Variants in SLC25A53 observed in about 807,000 individuals in gnomAD.
The protein encoded by SLC25A53 is mitochondrial carrier triple repeat protein 6.
Under a neutral mutation model 15.0 loss-of-function variants are expected in SLC25A53, and 5 were observed. The ratio of observed to expected loss-of-function variants is 0.33; its 90% CI spans 0.17 to 0.70. SLC25A53 has a LOEUF of 0.70. Among genes scored for constraint, SLC25A53 ranks in the 30% least tolerant of loss-of-function variants. SLC25A53 has a pLI of 0.67. For missense variants in SLC25A53, 216 were observed against 241.6 expected (o/e 0.89, Z 0.70); for synonymous variants, 95 against 100.0 (o/e 0.95, Z 0.30).
At chrX:104,127,333 G>A (rs2075413565) in intron 1 of SLC25A53, among the ~76,000 whole-genome samples, 1 of 111,726 alleles carries the variant, frequency 9.0e-6, no homozygotes, top group African/African-American at 3.3e-5. Flanking sequence ...CATTGCCAGG[G>A]AGCAAGGATG....
rs1474348513 is a variant in SLC25A53, at chrX:104,107,099, C to T, written c.-31-1811G>A. On this transcript the variant is annotated intron_variant, in intron 1 of 1. Coordinates refer to ENST00000594199, the MANE Select transcript of SLC25A53 (RefSeq NM_001012755.5). ...CATTCATACCACCCTGCTCCATCCACATCCCCACAATCTCATTCATAACCC... is the reference window on the plus strand; with the variant it reads ...CATTCATACCACCCTGCTCCATCCATATCCCCACAATCTCATTCATAACCC... Among the ~76,000 whole-genome samples, 3 of 109,789 alleles carry T rather than the reference C, an allele frequency of 2.7e-5. No homozygotes were observed. The East Asian group carries it at 8.7e-4, about 32-fold the overall frequency.
chrX:104,135,156 T>C (rs2075433648), intron 1 of SLC25A53, among the ~76,000 whole-genome samples: 1 of 110,999 alleles, frequency 9.0e-6, no homozygotes, highest in Non-Finnish European at 1.9e-5. Flanking sequence ...TTTTTCCATC[T>C]TTCTCATGGG....
intron 1 of SLC25A53, among the ~76,000 whole-genome samples, chrX:104,108,990 GGTACA>G (rs2147863804): frequency 8.9e-6 from 1 of 111,738 alleles, no homozygotes; most frequent in East Asian, 2.8e-4. Context: ...CAAAATAAAG[GGTACA>G]GTAATGAAGG....
At chrX:104,139,247 G>A (rs1352128976) in intron 1 of SLC25A53, among the ~76,000 whole-genome samples, 6 of 111,967 alleles carry the variant, frequency 5.4e-5, no homozygotes, top group African/African-American at 2.0e-4. Flanking sequence ...GCTAGGCGCA[G>A]TGGCTCACGC....
chrX:104,149,829 C>T (rs900823720), intron 1 of SLC25A53, among the ~76,000 whole-genome samples: 2 of 111,468 alleles, frequency 1.8e-5, no homozygotes, highest in Non-Finnish European at 3.8e-5. Flanking sequence ...TACAATCTGC[C>T]ACTTTCTCCC....
chrX:104,123,545 A>T (rs868964050), intron 1 of SLC25A53, among the ~76,000 whole-genome samples: 4 of 104,239 alleles, frequency 3.8e-5, no homozygotes, highest in Admixed American at 2.1e-4. Context: ...TGATTTGTTT[A>T]TTTTTTTTTT....
In SLC25A53 at chrX:104,104,837, C is replaced by T; in HGVS notation, c.421G>A (p.Val141Met). 8.3e-7 allele frequency: 1 copy of T among 1,211,801 alleles called. No homozygotes were observed. Among genetic ancestry groups the T allele is most frequent in the Non-Finnish European group, 1.1e-6 (1 of 895,572 alleles). Residue 141 changes from valine (V) to methionine (M), a missense_variant, in exon 2 of 2, where the codon GTG (valine) becomes ATG (methionine). Physicochemically the swap from Val to Met is conservative, Grantham distance 21. Coordinates refer to ENST00000594199, the MANE Select transcript of SLC25A53 (RefSeq NM_001012755.5). ...GCTTGCTTGCGACCATCCTGGAGCA[C>T]ATTTTGCACCCTTTCAAAGGGGCTG... ...ALSPFERVQNVLQDGRKQARF... is the reference protein window; with the variant it reads ...ALSPFERVQNMLQDGRKQARF...
At chrX:104,148,250 A>C (rs2075474461) in intron 1 of SLC25A53, among the ~76,000 whole-genome samples, 2 of 107,602 alleles carry the variant, frequency 1.9e-5, no homozygotes, top group African/African-American at 3.4e-5. Flanking sequence ...GAATTGAACA[A>C]TGAGAACACA....
chrX:104,100,790 T>C lies in SLC25A53; in HGVS notation c.*3544A>G, dbSNP rs1340348739. On this transcript the variant is annotated 3_prime_UTR_variant, in exon 2 of 2. Coordinates refer to ENST00000594199, the MANE Select transcript of SLC25A53 (RefSeq NM_001012755.5). ...GGGGAAAATACCCAAACTTTTTGCA[T>C]TGCTCTTACACCACGGCAATCAGCA... The C allele has an allele frequency of 9.8e-5, 11 of 112,412 alleles. No homozygotes were observed. Among genetic ancestry groups the C allele is most frequent in the Non-Finnish European group, 1.9e-4 (10 of 53,333 alleles). The allele number at this position is 112,412 out of a possible 1,213,427, so 9.3% of individuals were successfully genotyped here. A position where few individuals can be genotyped will look rare whatever the true frequency, so the allele number is the denominator to read the frequency against.
Position 104,114,301 on chromosome X carries a change from T to G in SLC25A53, c.-31-9013A>C, listed in dbSNP as rs1556360358. 5.8e-6 allele frequency: 7 copies of G among 1,209,313 alleles called. No individual in the cohort carries two copies. The South Asian group carries it at 1.2e-4, about 21-fold the overall frequency. ...CCAGGGGAAAGAAACCTTTGAAAAC[T>G]GGCTGATCCAAGTCAATGAGGTCCT... On this transcript the variant is annotated intron_variant, in intron 1 of 1. Transcript: ENST00000594199.
chrX:104,147,434 G>A (rs1262758132), intron 1 of SLC25A53, among the ~76,000 whole-genome samples: 4 of 110,970 alleles, frequency 3.6e-5, no homozygotes, highest in Non-Finnish European at 5.7e-5. Context: ...GGCAACAAAA[G>A]CCAAAATTGA....
chrX:104,111,969 C>G (rs1556359000), intron 1 of SLC25A53, among the ~76,000 whole-genome samples: 4 of 111,735 alleles, frequency 3.6e-5, no homozygotes, highest in South Asian at 3.8e-4. Context: ...CAAGGGGCAG[C>G]CTTTGAAGTC....
chrX:104,116,915 C>T (rs781820292), intron 1 of SLC25A53, among the ~76,000 whole-genome samples: 1 of 109,964 alleles, frequency 9.1e-6, no homozygotes, highest in Non-Finnish European at 1.9e-5. Context: ...TCCTATCACC[C>T]CTGCTCCATC....
At chrX:104,128,814 G>C (rs1372142895) in intron 1 of SLC25A53, among the ~76,000 whole-genome samples, 2 of 110,838 alleles carry the variant, frequency 1.8e-5, no homozygotes, top group Non-Finnish European at 3.8e-5. Flanking sequence ...ATGTATAGTT[G>C]ATTCATTATT....
intron 1 of SLC25A53, among the ~76,000 whole-genome samples, chrX:104,116,738 C>T (rs1427244733): frequency 9.0e-6 from 1 of 111,190 alleles, no homozygotes; most frequent in Non-Finnish European, 1.9e-5. Flanking sequence ...GCAAGGAGCC[C>T]AATGCAGCCT....
intron 1 of SLC25A53, among the ~76,000 whole-genome samples, chrX:104,148,513 A>G (rs1796656419): frequency 9.0e-6 from 1 of 110,873 alleles, no homozygotes; most frequent in Non-Finnish European, 1.9e-5. Context: ...ATAAAAAAGG[A>G]TGAGTTCATG....
At chrX:104,114,897 C>T (rs1325413635) in intron 1 of SLC25A53, 4 of 1,201,875 alleles carry the variant, frequency 3.3e-6, no homozygotes, top group Non-Finnish European at 3.4e-6. Context: ...CTGACTGTAA[C>T]TGCAACGTGA....
At position 104,105,280 on chromosome X, in the gene SLC25A53, T is replaced by C. The variant is rs782193196; in HGVS notation, c.-23A>G. Reference sequence around the variant, plus strand: ...CATGCTGAAGACAACTGGGTGCAGATGGAAGAAACTGGCAAGGGTGGAAAA... The same window carrying C: ...CATGCTGAAGACAACTGGGTGCAGACGGAAGAAACTGGCAAGGGTGGAAAA... On this transcript the variant is annotated 5_prime_UTR_variant, in exon 2 of 2. Coordinates refer to ENST00000594199, the MANE Select transcript of SLC25A53 (RefSeq NM_001012755.5). The C allele has an allele frequency of 8.7e-7, 1 of 1,143,898 alleles. No homozygotes were observed. Among genetic ancestry groups the C allele is most frequent in the East Asian group, 3.0e-5 (1 of 33,354 alleles). 94.3% of individuals were successfully genotyped at this position (1,143,898 alleles called of 1,213,427 possible). A position where few individuals can be genotyped will look rare whatever the true frequency, so the allele number is the denominator to read the frequency against.
chrX:104,114,607 G>C (rs1423294420), intron 1 of SLC25A53: 5 of 1,210,308 alleles, frequency 4.1e-6, no homozygotes, highest in Non-Finnish European at 5.6e-6. Flanking sequence ...AGGCATCCTA[G>C]CTGAGAAAGA....
Sources: allele counts gnomAD v4.1 joint callset (sites outside exome capture counted in the v4.1 genomes callset), GRCh38; gene constraint gnomAD v4.1.1; transcripts MANE v1.5; gene names NCBI Gene and HGNC (gene_info 2026-07-23, HGNC 2026-07-21).